Variants in TDP1 observed in about 807,000 individuals in gnomAD.
The protein encoded by TDP1 is tyrosyl-DNA phosphodiesterase 1.
A neutral mutation model predicts 81.5 loss-of-function variants in TDP1; 64 were observed. That is an observed-to-expected ratio of 0.79 (90% CI 0.64 to 0.97). TDP1 has a LOEUF of 0.97. Among genes scored for constraint, TDP1 ranks in the 50% least tolerant of loss-of-function variants. TDP1 has a pLI of 0.00. For missense variants in TDP1, 723 were observed against 743.8 expected (o/e 0.97, Z 0.33); for synonymous variants, 256 against 264.3 (o/e 0.97, Z 0.30).
chr14:89,966,859 A>C, intron 4 of TDP1: 1 of 388,182 alleles, frequency 2.6e-6, no homozygotes. Context: ...CCAGTACAGA[A>C]CTTGCATTTA....
At chr14:90,021,258 GTAAC>G (rs2140275404) in intron 15 of TDP1, among the ~76,000 whole-genome samples, 1 of 152,286 alleles carries the variant, frequency 6.6e-6, no homozygotes, top group African/African-American at 2.4e-5. Context: ...ACAAAACTAT[GTAAC>G]TAACCTCTTT....
chr14:89,965,331 G>A (rs1892810008), intron 3 of TDP1, among the ~76,000 whole-genome samples: 2 of 149,284 alleles, frequency 1.3e-5, no homozygotes, highest in African/African-American at 5.2e-5. Flanking sequence ...GACAGCCTAG[G>A]TTCAAACCCC....
At chr14:89,972,910 C>T (rs1488098841) in intron 6 of TDP1, among the ~76,000 whole-genome samples, 1 of 152,166 alleles carries the variant, frequency 6.6e-6, no homozygotes, top group Non-Finnish European at 1.5e-5. Flanking sequence ...TACATCCTTT[C>T]TGGATTTTTT....
At chr14:89,976,879 C>T (rs1225442769) in intron 7 of TDP1, among the ~76,000 whole-genome samples, 2 of 152,084 alleles carry the variant, frequency 1.3e-5, no homozygotes, top group Non-Finnish European at 2.9e-5. Context: ...GGAGGCTGGG[C>T]GCTGTGGCTC....
At chr14:90,032,802 T>C in intron 15 of TDP1, 2 of 984,814 alleles carry the variant, frequency 2.0e-6, no homozygotes, top group Non-Finnish European at 1.2e-6. Context: ...TACATAATGT[T>C]GGGTTGAAAT....
At chr14:90,000,690 A>G (rs1330126591) in intron 14 of TDP1, among the ~76,000 whole-genome samples, 1 of 152,066 alleles carries the variant, frequency 6.6e-6, no homozygotes, top group Non-Finnish European at 1.5e-5. Flanking sequence ...TGGCCCACTG[A>G]TATTTCTTTC....
At position 89,969,964 on chromosome 14, in the gene TDP1, C is replaced by T. The variant is rs371192596; in HGVS notation, c.660-1211C>T. 1.0e-4 allele frequency among the ~76,000 whole-genome samples: 15 copies of T among 149,034 alleles called. No homozygotes were observed. In the East Asian group the frequency reaches 1.6e-3, roughly 16 times the overall value. ...GGATCTCGGCTCACTGCAAGCTCCG[C>T]CTCCCGGGTTCACGCCATTCTCCTG... is the stretch of plus-strand genomic sequence containing the variant. On this transcript the variant is annotated intron_variant, in intron 5 of 16. Coordinates refer to ENST00000335725, the MANE Select transcript of TDP1 (RefSeq NM_018319.4).
chr14:89,983,970 C>A, intron 8 of TDP1: 1 of 220,994 alleles, frequency 4.5e-6, no homozygotes, highest in Non-Finnish European at 7.6e-6. Context: ...AAATATGCTG[C>A]TATAGGACCT....
chr14:89,975,676 T>C (rs893783699), intron 6 of TDP1, 105 bp from the exon 7 acceptor site: 2 of 1,142,660 alleles, frequency 1.8e-6, no homozygotes, highest in African/African-American at 1.5e-5. Context: ...TCAGTAAAAA[T>C]AGTTTTAAAA....
chr14:89,962,712 G>GA (rs138209691), intron 2 of TDP1, among the ~76,000 whole-genome samples: 10,521 of 148,814 alleles, frequency 0.071, 1,206 homozygotes, highest in African/African-American at 0.24. Flanking sequence ...CAAAAAAAAA[G>GA]AAAAAAAAAA....
At chr14:90,040,137 GCCT>G (rs1365912309) in intron 16 of TDP1, among the ~76,000 whole-genome samples, 1 of 152,080 alleles carries the variant, frequency 6.6e-6, no homozygotes, top group Non-Finnish European at 1.5e-5. Flanking sequence ...CTTAATGTAG[GCCT>G]CCTCTTTCTC....
intron 14 of TDP1, among the ~76,000 whole-genome samples, chr14:90,012,599 T>G (rs1301111748): frequency 6.6e-6 from 1 of 151,894 alleles, no homozygotes; most frequent in Non-Finnish European, 1.5e-5. Context: ...AGGCCATTGC[T>G]TCAGAGGTGT....
chr14:90,018,687 C>G (rs948447666), intron 14 of TDP1, among the ~76,000 whole-genome samples: 1 of 152,046 alleles, frequency 6.6e-6, no homozygotes, highest in East Asian at 1.9e-4. Flanking sequence ...TCAAGTGGTC[C>G]GCCCGCCTCG....
At chr14:89,977,363 TCTCA>T in intron 7 of TDP1, among the ~76,000 whole-genome samples, 1 of 152,128 alleles carries the variant, frequency 6.6e-6, no homozygotes, top group Admixed American at 6.5e-5. Context: ...AATGGCGCAA[TCTCA>T]GCTCGTTACA....
At chr14:90,015,508 G>C (rs1239392066) in intron 14 of TDP1, among the ~76,000 whole-genome samples, 1 of 152,222 alleles carries the variant, frequency 6.6e-6, no homozygotes, top group African/African-American at 2.4e-5. Flanking sequence ...TCATTAGTCA[G>C]CTTAGCTGTG....
chr14:89,975,473 C>T (rs1894176784), intron 6 of TDP1: 1 of 984,026 alleles, frequency 1.0e-6, no homozygotes, highest in South Asian at 4.7e-5. Context: ...ACTTGTTTTA[C>T]TAGTTTTTTG....
chr14:89,991,754 G>A (rs1896206980), intron 12 of TDP1, 163 bp from the exon 13 acceptor site: 1 of 774,134 alleles, frequency 1.3e-6, no homozygotes. Flanking sequence ...CATATCTAGT[G>A]CAACTATAGA....
chr14:89,992,244 A>G (rs1273536870), intron 13 of TDP1, among the ~76,000 whole-genome samples: 2 of 152,236 alleles, frequency 1.3e-5, no homozygotes, highest in Non-Finnish European at 2.9e-5. Flanking sequence ...ATAGAAGATC[A>G]TGTTGGGTAG....
Position 90,043,351 on chromosome 14 carries a change from A to T in TDP1, c.*208A>T, listed in dbSNP as rs375385363. 6.2e-6 allele frequency: 4 copies of T among 642,556 alleles called. No individual in the cohort carries two copies. In the East Asian group the frequency reaches 1.1e-4, roughly 18 times the overall value. 39.8% of individuals were successfully genotyped at this position (642,556 alleles called of 1,614,324 possible). ...AGTATTAGTTTCTTAATTCACTTTT[A>T]TATGTTTTGGAAAGAAAATTAGTGA... On this transcript the variant is annotated 3_prime_UTR_variant, in exon 17 of 17. Transcript: ENST00000335725.
Sources: allele counts gnomAD v4.1 joint callset (sites outside exome capture counted in the v4.1 genomes callset), GRCh38; gene constraint gnomAD v4.1.1; transcripts MANE v1.5; gene names NCBI Gene and HGNC (gene_info 2026-07-23, HGNC 2026-07-21).